Variants in FBXL7 observed in about 807,000 individuals in gnomAD.
FBXL7 encodes F-box/LRR-repeat protein 7.
Under a neutral mutation model 38.3 loss-of-function variants are expected in FBXL7, and 12 were observed. The observed-to-expected ratio is 0.31, with a 90% CI of 0.20 to 0.51. FBXL7 has a LOEUF of 0.51. Ranked by LOEUF, FBXL7 falls within the 20% of genes least tolerant of loss-of-function variation. The probability of loss-of-function intolerance (pLI) is 0.98; values close to 1 mark genes in which losing one functional copy is unlikely to be tolerated. For missense variants in FBXL7, 567 were observed against 676.4 expected (o/e 0.84, Z 1.79); for synonymous variants, 297 against 300.9 (o/e 0.99, Z 0.13).
At chr5:15,852,382 G>A (rs1440772445) in intron 2 of FBXL7, among the ~76,000 whole-genome samples, 1 of 152,176 alleles carries the variant, frequency 6.6e-6, no homozygotes, top group African/African-American at 2.4e-5. Context: ...TCCCTCTGGA[G>A]TGTGCAAGTG....
chr5:15,643,157 T>G (rs1335625552), intron 2 of FBXL7, among the ~76,000 whole-genome samples: 1 of 152,188 alleles, frequency 6.6e-6, no homozygotes, highest in Non-Finnish European at 1.5e-5. Context: ...CAGTGAACTC[T>G]CTAGCGACAA....
chr5:15,607,225 G>A (rs1740054894), intron 1 of FBXL7: 1 of 152,176 alleles, frequency 6.6e-6, no homozygotes, highest in East Asian at 1.9e-4. Flanking sequence ...TTGAAAATAA[G>A]ACAGTGGAGA....
intron 2 of FBXL7, among the ~76,000 whole-genome samples, chr5:15,677,858 G>A (rs1211999896): frequency 6.6e-6 from 1 of 152,070 alleles, no homozygotes; most frequent in Non-Finnish European, 1.5e-5. Flanking sequence ...TCTTTTTAAG[G>A]TCTGATTATT....
intron 1 of FBXL7, among the ~76,000 whole-genome samples, chr5:15,612,391 C>A (rs1740274669): frequency 6.6e-6 from 1 of 152,080 alleles, no homozygotes; most frequent in Admixed American, 6.6e-5. Context: ...TTATAAATAA[C>A]ATTATTATTT....
chr5:15,926,241 TA>T (rs556902762), intron 2 of FBXL7, among the ~76,000 whole-genome samples: 20 of 151,086 alleles, frequency 1.3e-4, no homozygotes, highest in African/African-American at 4.4e-4. Flanking sequence ...TCTTCCTAAA[TA>T]AAACCATATA....
At chr5:15,719,393 C>A (rs1302950797) in intron 2 of FBXL7, among the ~76,000 whole-genome samples, 2 of 122,862 alleles carry the variant, frequency 1.6e-5, no homozygotes, top group African/African-American at 5.5e-5. Context: ...TGCTAAGTGA[C>A]CTATTTATAA....
chr5:15,631,667 CAAAAAAAAAAAAAAAAAA>C (rs754975686), intron 2 of FBXL7, among the ~76,000 whole-genome samples: 2 of 43,892 alleles, frequency 4.6e-5, no homozygotes, highest in African/African-American at 8.8e-5. Flanking sequence ...AGCGAGACTC[CAAAAAAAAAAAAAAAAAA>C]AAAAAAAAAA....
In FBXL7 at chr5:15,901,482, C is replaced by T. The variant is rs76262356; in HGVS notation, c.128-26408C>T. On this transcript the variant is annotated intron_variant, in intron 2 of 3. Transcript: ENST00000504595. ...CACATGAATTTTGCAAGGATATAAACACATTCAGTCTATTGCACTAAATAA... is the reference window on the plus strand; with the variant it reads ...CACATGAATTTTGCAAGGATATAAATACATTCAGTCTATTGCACTAAATAA... 1.3e-3 allele frequency among the ~76,000 whole-genome samples: 194 copies of T among 152,304 alleles called. 3 individuals are homozygous for T. The East Asian group carries it at 0.034, about 27-fold the overall frequency.
At chr5:15,660,821 A>T (rs960461686) in intron 2 of FBXL7, among the ~76,000 whole-genome samples, 2 of 152,166 alleles carry the variant, frequency 1.3e-5, no homozygotes, top group African/African-American at 4.8e-5. Context: ...TGTTAAGATG[A>T]TGTATGTTCA....
At chr5:15,874,859 A>G (rs926203236) in intron 2 of FBXL7, among the ~76,000 whole-genome samples, 1 of 152,230 alleles carries the variant, frequency 6.6e-6, no homozygotes, top group Non-Finnish European at 1.5e-5. Flanking sequence ...TATAGATTCA[A>G]TGCTATCCCC....
At chr5:15,519,187 T>TA (rs915797662) in intron 1 of FBXL7, among the ~76,000 whole-genome samples, 4 of 151,758 alleles carry the variant, frequency 2.6e-5, no homozygotes, top group African/African-American at 9.7e-5. Context: ...CTACTAAAAA[T>TA]AAAAAAATTA....
At chr5:15,713,402 C>T (rs1415020991) in intron 2 of FBXL7, among the ~76,000 whole-genome samples, 3 of 152,140 alleles carry the variant, frequency 2.0e-5, no homozygotes, top group African/African-American at 7.2e-5. Context: ...TGGGTGGGGA[C>T]ACAGCCAAAC....
chr5:15,814,046 A>G (rs936571583), intron 2 of FBXL7, among the ~76,000 whole-genome samples: 3 of 152,206 alleles, frequency 2.0e-5, no homozygotes, highest in Non-Finnish European at 2.9e-5. Context: ...AGAACCAGAA[A>G]TACCATTTGA....
chr5:15,685,630 A>T (rs1258154445), intron 2 of FBXL7, among the ~76,000 whole-genome samples: 1 of 152,200 alleles, frequency 6.6e-6, no homozygotes, highest in East Asian at 1.9e-4. Context: ...TTTTTAAGAC[A>T]GGCAGAACTG....
At chr5:15,513,880 C>T (rs1269920434) in intron 1 of FBXL7, among the ~76,000 whole-genome samples, 1 of 152,096 alleles carries the variant, frequency 6.6e-6, no homozygotes, top group Non-Finnish European at 1.5e-5. Flanking sequence ...ATCCACTTTG[C>T]TTATTTAATT....
intron 2 of FBXL7, among the ~76,000 whole-genome samples, chr5:15,781,095 G>A (rs1044050669): frequency 6.6e-6 from 1 of 152,146 alleles, no homozygotes; most frequent in Non-Finnish European, 1.5e-5. Context: ...TCTCTTCCCG[G>A]TACCACAATG....
chr5:15,764,699 A>T (rs1012797654), intron 2 of FBXL7, among the ~76,000 whole-genome samples: 1 of 152,246 alleles, frequency 6.6e-6, no homozygotes, highest in African/African-American at 2.4e-5. Context: ...TAGTTTCCTC[A>T]TCTGTGATGA....
intron 2 of FBXL7, among the ~76,000 whole-genome samples, chr5:15,656,785 A>G (rs934433236): frequency 1.3e-5 from 2 of 152,160 alleles, no homozygotes; most frequent in African/African-American, 4.8e-5. Flanking sequence ...AATACAGCTA[A>G]TGAATGAGAA....
chr5:15,679,756 C>T (rs1030837601), intron 2 of FBXL7, among the ~76,000 whole-genome samples: 6 of 152,134 alleles, frequency 3.9e-5, no homozygotes, highest in African/African-American at 1.4e-4. Context: ...TAACAGCCGA[C>T]TGGCTCCCTG....
Sources: gnomAD v4.1 joint callset for allele counts (sites outside exome capture counted in the v4.1 genomes callset) on GRCh38, gnomAD v4.1.1 for gene constraint, MANE v1.5 for transcripts, NCBI Gene and HGNC (gene_info 2026-07-23, HGNC 2026-07-21) for gene names.